Variants in COL26A1 observed in about 807,000 individuals in gnomAD.
COL26A1 encodes the protein collagen alpha-1(XXVI) chain.
Under a neutral mutation model 59.3 loss-of-function variants are expected in COL26A1, and 41 were observed. The ratio of observed to expected loss-of-function variants is 0.69; its 90% CI spans 0.54 to 0.90. COL26A1 has a LOEUF of 0.90. COL26A1 is among the 40% of genes least tolerant of loss of function. COL26A1 has a pLI of 0.00. For missense variants in COL26A1, 612 were observed against 602.3 expected (o/e 1.02, Z -0.17); for synonymous variants, 266 against 256.0 (o/e 1.04, Z -0.37).
At chr7:101,375,391 G>GTTC (rs1418822103) in intron 1 of COL26A1, among the ~76,000 whole-genome samples, 2 of 151,880 alleles carry the variant, frequency 1.3e-5, no homozygotes, top group African/African-American at 4.8e-5. Context: ...GAAGATGATG[G>GTTC]ATTTCACAAA....
intron 3 of COL26A1, among the ~76,000 whole-genome samples, chr7:101,505,129 T>C (rs1342046803): frequency 6.6e-6 from 1 of 151,998 alleles, no homozygotes; most frequent in Admixed American, 6.6e-5. Flanking sequence ...AAAAAAAAGT[T>C]ATGTGTGTGG....
intron 2 of COL26A1, among the ~76,000 whole-genome samples, chr7:101,426,550 C>T (rs1000944464): frequency 1.3e-5 from 2 of 152,116 alleles, no homozygotes; most frequent in African/African-American, 4.8e-5. Context: ...GGATGGGACA[C>T]AGTTTTCTCC....
At chr7:101,431,836 G>A (rs1792786972) in intron 2 of COL26A1, among the ~76,000 whole-genome samples, 1 of 152,012 alleles carries the variant, frequency 6.6e-6, no homozygotes, top group Admixed American at 6.6e-5. Flanking sequence ...TTGTTGCCCA[G>A]GCTGGGGTGC....
chr7:101,501,631 C>A (rs1477691997), intron 3 of COL26A1, among the ~76,000 whole-genome samples: 1 of 152,196 alleles, frequency 6.6e-6, no homozygotes, highest in African/African-American at 2.4e-5. Context: ...AGGCCTGTAT[C>A]CTTTGCGCTG....
intron 3 of COL26A1, among the ~76,000 whole-genome samples, chr7:101,466,876 T>A (rs17135427): frequency 0.021 from 3,044 of 148,314 alleles, 85 homozygotes; most frequent in African/African-American, 0.072. Flanking sequence ...TCATGCAACG[T>A]GAAGGGTCTC....
intron 10 of COL26A1, among the ~76,000 whole-genome samples, chr7:101,552,538 A>C (rs1050639935): frequency 6.6e-5 from 10 of 152,090 alleles, no homozygotes; most frequent in Admixed American, 6.6e-4. Flanking sequence ...GATCACTTGA[A>C]CCCAGGAGGT....
At chr7:101,517,449 C>T (rs911312271) in intron 3 of COL26A1, among the ~76,000 whole-genome samples, 1 of 152,202 alleles carries the variant, frequency 6.6e-6, no homozygotes, top group African/African-American at 2.4e-5. Flanking sequence ...AGGTGACTTG[C>T]TCCTCCTTGC....
At chr7:101,369,617 A>G (rs1368849235) in intron 1 of COL26A1, among the ~76,000 whole-genome samples, 1 of 148,792 alleles carries the variant, frequency 6.7e-6, no homozygotes, top group Admixed American at 6.7e-5. Context: ...CCCGGCTAAT[A>G]TTTTTGTATT....
intron 4 of COL26A1, among the ~76,000 whole-genome samples, chr7:101,539,373 T>C (rs1455918705): frequency 6.6e-6 from 1 of 151,858 alleles, no homozygotes. Flanking sequence ...AGATGTGGTC[T>C]CGATCTGTCA....
chr7:101,375,472 G>A (rs552144824), intron 1 of COL26A1, among the ~76,000 whole-genome samples: 16 of 152,110 alleles, frequency 1.1e-4, no homozygotes, highest in African/African-American at 3.4e-4. Context: ...AAGGCATGAG[G>A]ATCACTTGAG....
Position 101,362,920 on chromosome 7 carries a change from C to T in COL26A1, c.-113C>T, listed in dbSNP as rs1050039713. 4 of 1,148,376 alleles carry T rather than the reference C, an allele frequency of 3.5e-6. No individual in the cohort carries two copies. The African/African-American group carries it at 6.6e-5, about 19-fold the overall frequency. The allele number at this position is 1,148,376 out of a possible 1,614,324, so 71.1% of individuals were successfully genotyped here. A position where few individuals can be genotyped will look rare whatever the true frequency, so the allele number is the denominator to read the frequency against. ...TCGCACCCGGGCTCCGACCGCTCGC[C>T]CCGCTCCTCTCGCTGTGCTCCCGGC... is the stretch of plus-strand genomic sequence containing the variant. On this transcript the variant is annotated 5_prime_UTR_variant, in exon 1 of 13. Coordinates refer to ENST00000313669, the MANE Select transcript of COL26A1 (RefSeq NM_001278563.3).
intron 1 of COL26A1, among the ~76,000 whole-genome samples, chr7:101,417,308 G>A (rs1037833110): frequency 2.0e-5 from 3 of 151,700 alleles, no homozygotes; most frequent in Admixed American, 2.0e-4. Context: ...AATGGGAAAC[G>A]AGTGTGTAAG....
chr7:101,535,273 A>G (rs1005471926), intron 4 of COL26A1, among the ~76,000 whole-genome samples: 3 of 152,114 alleles, frequency 2.0e-5, no homozygotes, highest in Admixed American at 1.3e-4. Context: ...GTATAGGGGA[A>G]GATGTTGAGC....
intron 3 of COL26A1, among the ~76,000 whole-genome samples, chr7:101,462,560 G>C (rs1793641284): frequency 6.6e-6 from 1 of 151,382 alleles, no homozygotes; most frequent in Admixed American, 6.6e-5. Context: ...CAGGTGATCT[G>C]CCTGCCTCAG....
intron 3 of COL26A1, among the ~76,000 whole-genome samples, chr7:101,463,117 T>G (rs1215679664): frequency 6.6e-6 from 1 of 152,202 alleles, no homozygotes; most frequent in Non-Finnish European, 1.5e-5. Context: ...CTTCTCTAAA[T>G]GTGTCAATCT....
chr7:101,416,377 C>T (rs1028720886), intron 1 of COL26A1, among the ~76,000 whole-genome samples: 4 of 143,674 alleles, frequency 2.8e-5, no homozygotes, highest in African/African-American at 9.9e-5. Context: ...TCAAGTGATC[C>T]ACCCACCTCG....
Position 101,430,919 on chromosome 7 carries a change from G to C in COL26A1, c.281+10820G>C, listed in dbSNP as rs192333443. ...AGCAATTCTTCTGCCTCAGCCTCCC[G>C]AGTAGCTGGGATTACAGGTGGCCCA... On this transcript the variant is annotated intron_variant, in intron 2 of 12. Coordinates refer to ENST00000313669, the MANE Select transcript of COL26A1 (RefSeq NM_001278563.3). Among the ~76,000 whole-genome samples the C allele has an allele frequency of 9.0e-3, 1,365 of 151,978 alleles. 15 individuals carry two copies. Among genetic ancestry groups the C allele is most frequent in the Middle Eastern group, 0.017 (5 of 294 alleles).
chr7:101,393,188 C>G (rs6944558), intron 1 of COL26A1, among the ~76,000 whole-genome samples: 119,170 of 151,840 alleles, frequency 0.78, 47,233 homozygotes, highest in Middle Eastern at 0.84. Context: ...AATTTTAGTA[C>G]AGACAGGGTA....
At chr7:101,517,798 ATTTTTTTTTTTTTTTTTTTTTTTTT>A (rs869245512) in intron 3 of COL26A1, among the ~76,000 whole-genome samples, 1 of 76,892 alleles carries the variant, frequency 1.3e-5, no homozygotes, top group African/African-American at 4.7e-5. Flanking sequence ...TTCTCCCCGC[ATTTTTTTTTTTTTTTTTTTTTTTTT>A]TTTTTTTTGA....
Sources: gnomAD v4.1 joint callset for allele counts (sites outside exome capture counted in the v4.1 genomes callset) on GRCh38, gnomAD v4.1.1 for gene constraint, MANE v1.5 for transcripts, NCBI Gene and HGNC (gene_info 2026-07-23, HGNC 2026-07-21) for gene names.